ZSCAN5B: variants seen among roughly 807,000 people sequenced by gnomAD.
The protein encoded by ZSCAN5B is zinc finger and SCAN domain-containing protein 5B.
ZSCAN5B carries 26 observed loss-of-function variants against 25.2 expected under a neutral mutation model. That is an observed-to-expected ratio of 1.03 (90% confidence interval 0.76 to 1.43). The LOEUF (loss-of-function observed/expected upper bound fraction) is 1.43. ZSCAN5B is among the 40% of genes most tolerant of loss of function. The probability of loss-of-function intolerance (pLI) is 0.00; values close to 1 mark genes in which losing one functional copy is unlikely to be tolerated. For synonymous variants in ZSCAN5B, 244 were observed against 240.9 expected, an observed-to-expected ratio of 1.01 and a Z score of -0.12; for missense variants, 745 against 622.1, an observed-to-expected ratio of 1.20 and a Z score of -2.10.
At chr19:56,196,165 C>T (rs576276536) in intron 1 of ZSCAN5B, among the ~76,000 whole-genome samples, 1,554 of 152,272 alleles carry the variant, frequency 0.01, 33 homozygotes, top group African/African-American at 0.035. Context: ...GATTCTCCTG[C>T]CTCAGCCTCC....
intron 1 of ZSCAN5B, among the ~76,000 whole-genome samples, chr19:56,194,906 T>A (rs933805008): frequency 1.3e-5 from 2 of 151,666 alleles, no homozygotes; most frequent in Non-Finnish European, 2.9e-5. Flanking sequence ...CACAGCCCAA[T>A]TTTTTTTTCT....
chr19:56,191,125 T>C, intron 3 of ZSCAN5B, 138 bp from the exon 4 acceptor site: 3 of 1,186,798 alleles, frequency 2.5e-6, no homozygotes, highest in Non-Finnish European at 3.6e-6. Flanking sequence ...ACCACCTCAT[T>C]TCTGCGTCTG....
chr19:56,192,552 T>C, intron 2 of ZSCAN5B, 117 bp downstream of exon 2: 1 of 1,487,306 alleles, frequency 6.7e-7, no homozygotes, highest in East Asian at 2.3e-5. Flanking sequence ...CCTCTGCCTG[T>C]CCATCTCCTA....
intron 1 of ZSCAN5B, 98 bp downstream of exon 1, chr19:56,197,636 A>G (rs909205973): frequency 3.1e-5 from 19 of 621,134 alleles, no homozygotes; most frequent in Admixed American, 1.4e-4. Context: ...AAAGTCTCCG[A>G]GAAAATAAAT....
At chr19:56,193,516 C>T (rs958717721) in intron 1 of ZSCAN5B, among the ~76,000 whole-genome samples, 9 of 152,120 alleles carry the variant, frequency 5.9e-5, no homozygotes, top group Admixed American at 2.6e-4. Flanking sequence ...TATGTTTTCC[C>T]GTCAAGACAA....
exon 4 of ZSCAN5B, chr19:56,190,919 C>T: frequency 6.2e-7 from 1 of 1,614,170 alleles, no homozygotes; most frequent in Non-Finnish European, 8.5e-7. Context: ...TCTCCAAGGT[C>T]TGCTTGGGTC....
At chr19:56,196,968 C>T (rs1348009973) in intron 1 of ZSCAN5B, among the ~76,000 whole-genome samples, 1 of 151,920 alleles carries the variant, frequency 6.6e-6, no homozygotes, top group Non-Finnish European at 1.5e-5. Context: ...AGCGAGACCA[C>T]GTCTCTATAG....
chr19:56,190,198 G>T, exon 5 of ZSCAN5B: 3 of 1,614,080 alleles, frequency 1.9e-6, no homozygotes, highest in Non-Finnish European at 2.5e-6. Context: ...GACCTCCTGT[G>T]GATGCTTAGC....
At chr19:56,190,611 C>A in intron 4 of ZSCAN5B, 36 bp from the exon 5 acceptor site, 1 of 1,595,074 alleles carries the variant, frequency 6.3e-7, no homozygotes. Context: ...CAACAGTTAA[C>A]AAAGCCGATT....
At chr19:56,195,853 AG>A (rs1372577023) in intron 1 of ZSCAN5B, among the ~76,000 whole-genome samples, 2 of 147,430 alleles carry the variant, frequency 1.4e-5, no homozygotes. Flanking sequence ...TTTTTTTTAA[AG>A]TTATCTATTT....
At chr19:56,191,823 C>A in intron 3 of ZSCAN5B, 27 bp downstream of exon 3, 1 of 1,609,558 alleles carries the variant, frequency 6.2e-7, no homozygotes, top group South Asian at 1.1e-5. Flanking sequence ...CCACCTCTGC[C>A]CAGACACCAA....
rs770714997 is a variant in ZSCAN5B, at chr19:56,192,072, C to T, written c.385-19G>A. The stretch of plus-strand genomic sequence containing the variant: ...CTATAGACTGTAGAGAGAAAAAAGA[C>T]AATCAGACACTATGAGAACCTGAAA... On this transcript the variant is annotated intron_variant, in intron 2 of 4. Coordinates refer to ENST00000586855, the Ensembl canonical transcript of ZSCAN5B. 3.8e-6 allele frequency: 6 copies of T among 1,596,268 alleles called. No individual in the cohort carries two copies. In the Admixed American group the frequency reaches 8.7e-5, roughly 23 times the overall value.
intron 1 of ZSCAN5B, among the ~76,000 whole-genome samples, chr19:56,197,186 T>C (rs1032729071): frequency 6.6e-6 from 1 of 152,098 alleles, no homozygotes. Context: ...CCTTTTTTTT[T>C]TTTTGAGACG....
intron 1 of ZSCAN5B, among the ~76,000 whole-genome samples, chr19:56,197,195 C>G (rs1395527660): frequency 3.4e-5 from 5 of 149,202 alleles, no homozygotes; most frequent in Admixed American, 6.7e-5. Context: ...TTTTTTGAGA[C>G]GGAGTTTTGC....
In ZSCAN5B at chr19:56,190,579, G is replaced by C. The variant is rs142292164; in HGVS notation, c.740-4C>G. 1.0e-4 allele frequency: 161 copies of C among 1,609,278 alleles called. 1 individual carries two copies. In the East Asian group the frequency reaches 2.8e-3, roughly 28 times the overall value. Reference sequence around the variant, plus strand: ...CCCTCCTTTGCTCTCACCAGATCTGGTGGAAGAAGGGATTCCACACACAAC... The same window carrying C: ...CCCTCCTTTGCTCTCACCAGATCTGCTGGAAGAAGGGATTCCACACACAAC... On this transcript the variant is annotated splice_polypyrimidine_tract_variant and splice_region_variant and intron_variant, in intron 4 of 4. Transcript: ENST00000586855.
intron 2 of ZSCAN5B, 100 bp downstream of exon 2, chr19:56,192,569 G>C (rs1330762216): frequency 1.6e-5 from 24 of 1,517,594 alleles, no homozygotes; most frequent in Non-Finnish European, 2.1e-5. Context: ...CCTAGGTCAG[G>C]TATTTGCAAT....
chr19:56,195,721 C>T (rs963228748), intron 1 of ZSCAN5B, among the ~76,000 whole-genome samples: 5 of 152,218 alleles, frequency 3.3e-5, no homozygotes, highest in African/African-American at 7.2e-5. Flanking sequence ...AAACTACCTA[C>T]TGGGTACTAT....
At position 56,190,368 on chromosome 19, in the gene ZSCAN5B, G is replaced by A. The variant is rs768519708; in HGVS notation, c.947C>T (p.Thr316Ile). 6 of 1,614,136 alleles carry A rather than the reference G, an allele frequency of 3.7e-6. No individual in the cohort carries two copies. In the South Asian group the frequency reaches 6.6e-5, roughly 18 times the overall value. Residue 316 changes from threonine (T) to isoleucine (I), a missense_variant, in exon 5 of 5, where the codon ACA becomes ATA. Coordinates refer to ENST00000586855, the Ensembl canonical transcript of ZSCAN5B. Reference sequence around the variant, plus strand: ...TGGGGATTCTCTGTTGCCCACAGGTGTGGCTTCTCCTTGAGGCTCTTCTTG... The same window carrying A: ...TGGGGATTCTCTGTTGCCCACAGGTATGGCTTCTCCTTGAGGCTCTTCTTG...
chr19:56,193,355 T>G (rs1427620493), intron 1 of ZSCAN5B, among the ~76,000 whole-genome samples, 176 bp from the exon 2 acceptor site: 1 of 152,188 alleles, frequency 6.6e-6, no homozygotes, highest in Non-Finnish European at 1.5e-5. Context: ...AAAATCTGAA[T>G]GCTCCCCTGG....
Sources: allele counts gnomAD v4.1 joint callset (sites outside exome capture counted in the v4.1 genomes callset), GRCh38; gene constraint gnomAD v4.1.1; transcripts MANE v1.5; gene names NCBI Gene and HGNC (gene_info 2026-07-23, HGNC 2026-07-21).